Variants in EFCAB8 observed in about 807,000 individuals in gnomAD.
EFCAB8 encodes the protein EF-hand calcium-binding domain-containing protein 8.
In EFCAB8, 100 loss-of-function variants were observed where a neutral mutation model predicts 116.3. The observed-to-expected ratio is 0.86, with a 90% CI of 0.73 to 1.02. EFCAB8 has a LOEUF of 1.02. Ranked by LOEUF, EFCAB8 falls within the 50% of genes least tolerant of loss-of-function variation. The probability of loss-of-function intolerance (pLI) is 0.00; values close to 1 mark genes in which losing one functional copy is unlikely to be tolerated. For missense variants in EFCAB8, 1,320 were observed against 1,416.9 expected, an observed-to-expected ratio of 0.93 and a Z score of 1.10; for synonymous variants, 558 against 567.9, an observed-to-expected ratio of 0.98 and a Z score of 0.25.
chr20:32,906,962 A>G lies in EFCAB8; in HGVS notation c.1276A>G (p.Asn426Asp), dbSNP rs1032979447. ...VTHILVDSRN[N>D]SILISVSKDK... The stretch of plus-strand genomic sequence containing the variant: ...GCACATCCTTGTGGATAGCAGGAAC[A>G]ACAGCATCCTCATCAGTGTCTCCAA... Residue 426 changes from asparagine (N) to aspartate (D), a missense_variant, in exon 13 of 27, where the codon AAC becomes GAC. By Grantham distance (23) the Asn-to-Asp change is conservative. Coordinates refer to ENST00000400522, the MANE Select transcript of EFCAB8 (RefSeq NM_001143967.2). 1.3e-4 allele frequency: 194 copies of G among 1,537,236 alleles called. No homozygotes were observed. Among genetic ancestry groups the G allele is most frequent in the Non-Finnish European group, 1.6e-4 (183 of 1,139,194 alleles).
rs1297212645 is a variant in EFCAB8, at chr20:32,939,451, T to G, written c.2791-4185T>G. On this transcript the variant is annotated intron_variant, in intron 22 of 26. Coordinates refer to ENST00000400522, the MANE Select transcript of EFCAB8 (RefSeq NM_001143967.2). Reference sequence around the variant, plus strand: ...GCATGTGCCACCATGCCTGACTAATTTTTTTGTATTTTTAGTAGAGACGGG... The same window carrying G: ...GCATGTGCCACCATGCCTGACTAATGTTTTTGTATTTTTAGTAGAGACGGG... Among the ~76,000 whole-genome samples the G allele has an allele frequency of 2.1e-5, 3 of 143,246 alleles. 1 individual carries two copies. The highest frequency in any genetic ancestry group is 7.9e-5 in the African/African-American group (3 of 37,934). The allele number at this position is 143,246 out of a possible 152,430, so 94.0% of individuals were successfully genotyped here.
intron 2 of EFCAB8, 97 bp downstream of exon 2, chr20:32,863,931 C>T (rs1251533330): frequency 9.5e-6 from 13 of 1,370,334 alleles, no homozygotes; most frequent in African/African-American, 5.9e-5. Flanking sequence ...GTTTCTGCAT[C>T]GGGGAGGGGG....
At chr20:32,949,740 C>T (rs1259718607) in intron 23 of EFCAB8, among the ~76,000 whole-genome samples, 2 of 152,198 alleles carry the variant, frequency 1.3e-5, no homozygotes, top group Non-Finnish European at 2.9e-5. Context: ...GGTTCACACC[C>T]GTAATCCAAG....
chr20:32,886,598 G>C (rs1420383698), intron 6 of EFCAB8, among the ~76,000 whole-genome samples: 3 of 152,074 alleles, frequency 2.0e-5, no homozygotes, highest in African/African-American at 7.2e-5. Context: ...GTGCACCAAG[G>C]GGGAGTCACG....
At chr20:32,883,686 T>C (rs566750324) in intron 5 of EFCAB8, among the ~76,000 whole-genome samples, 1 of 152,144 alleles carries the variant, frequency 6.6e-6, no homozygotes, top group African/African-American at 2.4e-5. Flanking sequence ...AAGCCTTCAC[T>C]GGTCTATTTC....
intron 2 of EFCAB8, among the ~76,000 whole-genome samples, chr20:32,864,799 G>T (rs1984304689): frequency 6.6e-6 from 1 of 152,176 alleles, no homozygotes; most frequent in African/African-American, 2.4e-5. Context: ...ATACAAATTA[G>T]ATTAAGTTAA....
intron 9 of EFCAB8, among the ~76,000 whole-genome samples, chr20:32,894,689 G>C (rs994377834): frequency 6.6e-6 from 1 of 152,204 alleles, no homozygotes; most frequent in Non-Finnish European, 1.5e-5. Context: ...CTGTGCCTCA[G>C]TTCCCTTATT....
chr20:32,911,410 G>C, intron 15 of EFCAB8, 70 bp from the exon 16 acceptor site: 1 of 1,364,922 alleles, frequency 7.3e-7, no homozygotes. Flanking sequence ...GGCCAAGGCA[G>C]GCTGGAGACC....
At chr20:32,948,229 C>T (rs945441072) in intron 23 of EFCAB8, among the ~76,000 whole-genome samples, 6 of 152,058 alleles carry the variant, frequency 3.9e-5, no homozygotes, top group Admixed American at 6.6e-5. Context: ...AATTTGGCAA[C>T]TTATATGAAA....
At chr20:32,940,403 C>G (rs1988369722) in intron 22 of EFCAB8, among the ~76,000 whole-genome samples, 1 of 149,408 alleles carries the variant, frequency 6.7e-6, no homozygotes, top group African/African-American at 2.5e-5. Flanking sequence ...AAGTTAGACT[C>G]CTACCTCATA....
At chr20:32,871,987 T>C (rs779569554) in intron 3 of EFCAB8, among the ~76,000 whole-genome samples, 1 of 152,174 alleles carries the variant, frequency 6.6e-6, no homozygotes, top group Non-Finnish European at 1.5e-5. Flanking sequence ...CCCCCTGGCA[T>C]CTATCTTCTA....
chr20:32,931,288 G>A lies in EFCAB8; in HGVS notation c.2742G>A (p.Gln914=), dbSNP rs1250751067. The change falls in exon 22 of 27, where the codon CAG becomes CAA. Residue 914 remains glutamine, a synonymous_variant. Transcript: ENST00000400522. ...ACAAGTTCCGGTTGTTAATTCCTCAGCAACTTGGGACCAACTTCCCACACT... is the reference window on the plus strand; with the variant it reads ...ACAAGTTCCGGTTGTTAATTCCTCAACAACTTGGGACCAACTTCCCACACT... ...AHNKFRLLIP[Q]QLGTNFPHYI... 1 of 1,551,528 alleles carries A rather than the reference G, an allele frequency of 6.4e-7. No homozygotes were observed. Among genetic ancestry groups the A allele is most frequent in the South Asian group, 1.2e-5 (1 of 84,014 alleles).
intron 17 of EFCAB8, among the ~76,000 whole-genome samples, chr20:32,914,609 G>A (rs1208177269): frequency 6.6e-6 from 1 of 152,222 alleles, no homozygotes; most frequent in African/African-American, 2.4e-5. Flanking sequence ...AGGTGAAGGG[G>A]AAGCAAGGCA....
Position 32,889,415 on chromosome 20 carries a change from C to G in EFCAB8, c.673+9C>G. 2 of 1,551,238 alleles carry G rather than the reference C, an allele frequency of 1.3e-6. No individual in the cohort carries two copies. The highest frequency in any genetic ancestry group is 1.7e-6 in the Non-Finnish European group (2 of 1,146,514). ...TACCAGGCAAAAGATAGGTGAGTCC[C>G]TGGGGGCTTCCCAGCTCTGCTCTCA... On this transcript the variant is annotated intron_variant, in intron 7 of 26. Transcript: ENST00000400522.
intron 23 of EFCAB8, among the ~76,000 whole-genome samples, chr20:32,951,186 T>A (rs913882542): frequency 3.3e-5 from 5 of 152,198 alleles, no homozygotes; most frequent in Admixed American, 2.6e-4. Flanking sequence ...AATCAGCTGT[T>A]CCACTTCTAT....
rs1056450686 is a variant in EFCAB8 at position 32,930,599 on chromosome 20, T to A, written c.2614T>A (p.Cys872Ser). ...KNDWILITGDCKGYIKIWDIK... is the reference protein window; with the variant it reads ...KNDWILITGDSKGYIKIWDIK... ...TGACTGGATCCTCATCACGGGGGATTGTAAAGGATACATCAAGGTGAGGAA... is the reference window on the plus strand; with the variant it reads ...TGACTGGATCCTCATCACGGGGGATAGTAAAGGATACATCAAGGTGAGGAA... Residue 872 changes from cysteine to serine, a missense_variant, in exon 21 of 27, where the codon TGT becomes AGT. By Grantham distance (112) the Cys-to-Ser change is moderately radical. Coordinates refer to ENST00000400522, the MANE Select transcript of EFCAB8 (RefSeq NM_001143967.2). The A allele has an allele frequency of 6.4e-7, 1 of 1,552,308 alleles. No homozygotes were observed. The highest frequency in any genetic ancestry group is 2.4e-5 in the East Asian group (1 of 40,922).
At chr20:32,892,149 A>G (rs1374894045) in intron 7 of EFCAB8, 64 bp from the exon 8 acceptor site, 20 of 1,392,816 alleles carry the variant, frequency 1.4e-5, no homozygotes, top group Middle Eastern at 3.5e-4. Context: ...GAGGCTGCTC[A>G]CTGTGACTGA....
At chr20:32,874,866 C>T (rs1984870395) in intron 3 of EFCAB8, among the ~76,000 whole-genome samples, 1 of 152,214 alleles carries the variant, frequency 6.6e-6, no homozygotes, top group Non-Finnish European at 1.5e-5. Context: ...CCTGCCTCAA[C>T]CTCCCAAGTA....
intron 14 of EFCAB8, among the ~76,000 whole-genome samples, chr20:32,909,053 C>T (rs1317190604): frequency 6.6e-6 from 1 of 152,164 alleles, no homozygotes; most frequent in Non-Finnish European, 1.5e-5. Context: ...AGCCACAACC[C>T]ACAGATGGGA....
Sources: gnomAD v4.1 joint callset for allele counts (sites outside exome capture counted in the v4.1 genomes callset) on GRCh38, gnomAD v4.1.1 for gene constraint, MANE v1.5 for transcripts, NCBI Gene and HGNC (gene_info 2026-07-23, HGNC 2026-07-21) for gene names.